SEMA3D: variants seen among roughly 807,000 people sequenced by gnomAD.
SEMA3D encodes semaphorin-3D.
In SEMA3D, 84 loss-of-function variants were observed where a neutral mutation model predicts 100.1. That is an observed-to-expected ratio of 0.84 (90% CI 0.70 to 1.01). The LOEUF is 1.01. Ranked by LOEUF, SEMA3D falls within the 50% of genes least tolerant of loss-of-function variation. The pLI is 0.00. For missense variants in SEMA3D, 875 were observed against 934.1 expected, an observed-to-expected ratio of 0.94 and a Z score of 0.82; for synonymous variants, 312 against 320.7, an observed-to-expected ratio of 0.97 and a Z score of 0.29.
chr7:85,195,547 T>G, the SEMA3D span, among the ~76,000 whole-genome samples: 1 of 151,990 alleles, frequency 6.6e-6, no homozygotes, highest in East Asian at 1.9e-4. Flanking sequence ...CGACCTCCCA[T>G]GCTCAAGCAC....
At chr7:85,112,195 C>T (rs1395236859) in intron 3 of SEMA3D, among the ~76,000 whole-genome samples, 1 of 152,138 alleles carries the variant, frequency 6.6e-6, no homozygotes, top group Non-Finnish European at 1.5e-5. Flanking sequence ...TAACTGACAT[C>T]TCTACTTGAG....
At chr7:85,076,430 A>C (rs1791924374) in intron 5 of SEMA3D, among the ~76,000 whole-genome samples, 1 of 152,238 alleles carries the variant, frequency 6.6e-6, no homozygotes, top group Non-Finnish European at 1.5e-5. Flanking sequence ...AAAAAAAGCA[A>C]AAATATATTA....
At position 85,031,540 on chromosome 7, in the gene SEMA3D, GCT is replaced by G. The variant is rs556675640; in HGVS notation, c.1191+5347_1191+5348del. ...AAATAGCATAAAGTTCTGTTTGGTTGCTCATTTGTTATCCCTTTGAAGGTAGA... is the reference window on the plus strand; with the variant it reads ...AAATAGCATAAAGTTCTGTTTGGTTGCATTTGTTATCCCTTTGAAGGTAGA... On this transcript the variant is annotated intron_variant, in intron 12 of 18. Transcript: ENST00000284136. 2.0e-5 allele frequency among the ~76,000 whole-genome samples: 3 copies of G among 152,038 alleles called. No individual in the cohort carries two copies. The South Asian group carries it at 6.2e-4, about 32-fold the overall frequency.
intron 2 of SEMA3D, among the ~76,000 whole-genome samples, chr7:85,147,487 C>G (rs927674545): frequency 6.6e-6 from 1 of 152,010 alleles, no homozygotes; most frequent in African/African-American, 2.4e-5. Flanking sequence ...TTCTAACTAT[C>G]TGTAAATATA....
In SEMA3D at chr7:85,160,419, C is replaced by G. The variant is rs144032515; in HGVS notation, c.-172-6680G>C. Among the ~76,000 whole-genome samples the G allele has an allele frequency of 5.2e-3, 784 of 151,912 alleles. 9 individuals carry two copies. The highest frequency in any genetic ancestry group is 0.018 in the African/African-American group (742 of 41,452). On this transcript the variant is annotated intron_variant, in intron 1 of 18. Coordinates refer to ENST00000284136, the MANE Select transcript of SEMA3D (RefSeq NM_001384900.1). ...TGAGTAAAATAAATACTATAAAGAA[C>G]AAGAGAGACAGAGTCATAGTGAAAG...
At chr7:85,242,391 C>G in the SEMA3D span, among the ~76,000 whole-genome samples, 1 of 152,068 alleles carries the variant, frequency 6.6e-6, no homozygotes, top group Non-Finnish European at 1.5e-5. Flanking sequence ...TACTTCTATA[C>G]ATTTTTTAAA....
intron 3 of SEMA3D, among the ~76,000 whole-genome samples, chr7:85,104,026 T>A (rs112393219): frequency 0.019 from 2,945 of 152,162 alleles, 99 homozygotes; most frequent in African/African-American, 0.067. Context: ...CCTCTTGATA[T>A]CTTACCAGAA....
At chr7:85,066,408 A>G (rs1791621447) in intron 7 of SEMA3D, among the ~76,000 whole-genome samples, 1 of 151,580 alleles carries the variant, frequency 6.6e-6, no homozygotes, top group East Asian at 1.9e-4. Context: ...GGCAGATTAG[A>G]GAGAGGAAGA....
chr7:85,184,065 C>G lies in SEMA3D; in HGVS notation c.-173+2613G>C, dbSNP rs545305958. Among the ~76,000 whole-genome samples the G allele has an allele frequency of 1.8e-4, 27 of 151,914 alleles. 1 individual carries two copies. The highest frequency in any genetic ancestry group is 3.4e-3 in the Middle Eastern group (1 of 294). On this transcript the variant is annotated intron_variant, in intron 1 of 18. Transcript: ENST00000284136. The stretch of plus-strand genomic sequence containing the variant: ...ATGAAACCTGTAGGTATGAATAGAT[C>G]ATTAATATCACATACATACGATTCT...
intron 1 of SEMA3D, among the ~76,000 whole-genome samples, chr7:85,161,706 G>GT (rs998072568): frequency 6.6e-6 from 1 of 152,018 alleles, no homozygotes; most frequent in Non-Finnish European, 1.5e-5. Context: ...GCCAATCTGT[G>GT]TTTTTTTCTA....
chr7:85,041,546 A>C (rs907052315), intron 10 of SEMA3D: 2 of 152,226 alleles, frequency 1.3e-5, no homozygotes, highest in Non-Finnish European at 2.9e-5. Flanking sequence ...ATACTGATGA[A>C]ATAATTCCAT....
the SEMA3D span, among the ~76,000 whole-genome samples, chr7:85,232,893 A>T: frequency 2.0e-5 from 3 of 152,214 alleles, no homozygotes; most frequent in Non-Finnish European, 2.9e-5. Flanking sequence ...ATGCGTTTAT[A>T]TGCCTGGCCA....
At chr7:85,064,714 T>C (rs917945157) in intron 8 of SEMA3D, among the ~76,000 whole-genome samples, 1 of 152,128 alleles carries the variant, frequency 6.6e-6, no homozygotes, top group African/African-American at 2.4e-5. Context: ...ATGATAAAAT[T>C]TGATCTGTTG....
At position 85,012,847 on chromosome 7, in the gene SEMA3D, C is replaced by T. The variant is rs1344271153; in HGVS notation, c.1704-1G>A. ...TTTTACATCTTGGCGTCTAGCTCTC[C>T]TGCGGAAAGGGGATTAAACTTATTA... On this transcript the variant is annotated splice_acceptor_variant, in intron 16 of 18. Transcript: ENST00000284136. LOFTEE classifies it high-confidence loss of function. The T allele has an allele frequency of 1.9e-6, 3 of 1,609,610 alleles. No individual in the cohort carries two copies. Among genetic ancestry groups the T allele is most frequent in the Non-Finnish European group, 2.5e-6 (3 of 1,176,952 alleles).
intron 3 of SEMA3D, among the ~76,000 whole-genome samples, chr7:85,116,708 T>C (rs1257502478): frequency 6.6e-6 from 1 of 152,048 alleles, no homozygotes; most frequent in Non-Finnish European, 1.5e-5. Context: ...AAAGATATTA[T>C]TCCATGTTAT....
At chr7:85,212,621 G>C in the SEMA3D span, among the ~76,000 whole-genome samples, 1 of 151,784 alleles carries the variant, frequency 6.6e-6, no homozygotes, top group Non-Finnish European at 1.5e-5. Flanking sequence ...TGAGAAAAAT[G>C]CTTCTTTTTA....
In SEMA3D at chr7:85,006,961, TAA is replaced by T; in HGVS notation, c.1769-22_1769-21del. 2.5e-6 allele frequency: 4 copies of T among 1,604,062 alleles called. No individual in the cohort carries two copies. Among genetic ancestry groups the T allele is most frequent in the Non-Finnish European group, 3.4e-6 (4 of 1,173,602 alleles). On this transcript the variant is annotated intron_variant, in intron 17 of 18. Transcript: ENST00000284136. ...TAATGCCTGGAAAGCAAACATGGAATAAGAGATTAACCTTGACCTGATTTTAA... is the reference window on the plus strand; with the variant it reads ...TAATGCCTGGAAAGCAAACATGGAATGAGATTAACCTTGACCTGATTTTAA...
At chr7:85,236,179 G>A in the SEMA3D span, among the ~76,000 whole-genome samples, 2 of 151,888 alleles carry the variant, frequency 1.3e-5, no homozygotes, top group Non-Finnish European at 2.9e-5. Flanking sequence ...CTGTTTCCTA[G>A]TGACACTACC....
intron 1 of SEMA3D, among the ~76,000 whole-genome samples, chr7:85,179,203 G>A (rs1583993979): frequency 6.6e-6 from 1 of 152,124 alleles, no homozygotes; most frequent in Non-Finnish European, 1.5e-5. Flanking sequence ...GCCTCCTGTA[G>A]GGGCACTGCA....
Sources: gnomAD v4.1 joint callset for allele counts (sites outside exome capture counted in the v4.1 genomes callset) on GRCh38, gnomAD v4.1.1 for gene constraint, MANE v1.5 for transcripts, NCBI Gene and HGNC (gene_info 2026-07-23, HGNC 2026-07-21) for gene names.